Variants in DCC observed in about 807,000 individuals in gnomAD.
DCC encodes the protein netrin receptor DCC.
Under a neutral mutation model 172.5 loss-of-function variants are expected in DCC, and 58 were observed. The ratio of observed to expected loss-of-function variants is 0.34; its 90% CI spans 0.27 to 0.42. The LOEUF (loss-of-function observed/expected upper bound fraction) is 0.42, where lower values mean the gene tolerates loss of function less well. Among genes scored for constraint, DCC ranks in the 10% least tolerant of loss-of-function variants. The probability of loss-of-function intolerance (pLI) is 1.00; values close to 1 mark genes in which losing one functional copy is unlikely to be tolerated. For synonymous variants in DCC, 709 were observed against 644.5 expected (o/e 1.10, Z -1.52); for missense variants, 1,740 against 1,791.0 (o/e 0.97, Z 0.51).
At position 52,510,806 on chromosome 18, in the gene DCC, G is replaced by A. The variant is rs779342646; in HGVS notation, c.91+169928G>A. On this transcript the variant is annotated intron_variant, in intron 1 of 28. Coordinates refer to ENST00000442544, the MANE Select transcript of DCC (RefSeq NM_005215.4). ...AAAGGGTCTTCCCAGAATCTCTGAC[G>A]GTGTCCCACAGAGATAATCACCTAT... Among the ~76,000 whole-genome samples, 9 of 152,018 alleles carry A rather than the reference G, an allele frequency of 5.9e-5. No individual in the cohort carries two copies. The East Asian group carries it at 1.2e-3, about 20-fold the overall frequency.
At chr18:53,379,430 C>T (rs984831495) in intron 15 of DCC, among the ~76,000 whole-genome samples, 3 of 152,206 alleles carry the variant, frequency 2.0e-5, no homozygotes, top group Non-Finnish European at 2.9e-5. Context: ...GATGTTCTCC[C>T]CAGCTTTTGT....
chr18:53,490,006 T>C (rs2045943287), intron 26 of DCC, among the ~76,000 whole-genome samples: 1 of 152,154 alleles, frequency 6.6e-6, no homozygotes, highest in Admixed American at 6.5e-5. Flanking sequence ...TTTCTTGTCT[T>C]TGAAACAAGT....
chr18:52,800,646 A>ACTTTT (rs113242027), intron 2 of DCC, among the ~76,000 whole-genome samples: 6,569 of 152,302 alleles, frequency 0.043, 221 homozygotes, highest in South Asian at 0.16. Flanking sequence ...GATGTTGCAT[A>ACTTTT]CTTATGAATC....
At chr18:52,820,011 C>T (rs62083308) in intron 2 of DCC, among the ~76,000 whole-genome samples, 22,014 of 152,142 alleles carry the variant, frequency 0.14, 1,773 homozygotes, top group Middle Eastern at 0.23. Flanking sequence ...TGAGCCACCA[C>T]GCCCAGCCAA....
chr18:52,942,157 A>G (rs1456663876), intron 5 of DCC, among the ~76,000 whole-genome samples: 1 of 152,174 alleles, frequency 6.6e-6, no homozygotes, highest in Non-Finnish European at 1.5e-5. Context: ...GGTTTGAGAT[A>G]GGTATTTTTT....
At chr18:53,172,597 T>C (rs2055029896) in intron 8 of DCC, among the ~76,000 whole-genome samples, 2 of 152,252 alleles carry the variant, frequency 1.3e-5, no homozygotes, top group African/African-American at 2.4e-5. Context: ...TTATGAAAGC[T>C]GTCCTTCCTT....
intron 1 of DCC, among the ~76,000 whole-genome samples, chr18:52,580,934 T>A (rs1294929378): frequency 6.6e-6 from 1 of 152,172 alleles, no homozygotes; most frequent in Admixed American, 6.6e-5. Flanking sequence ...CAGGGTTTTT[T>A]AAATACTCCA....
At chr18:52,770,310 C>T (rs1420057163) in intron 2 of DCC, among the ~76,000 whole-genome samples, 1 of 152,164 alleles carries the variant, frequency 6.6e-6, no homozygotes, top group Admixed American at 6.5e-5. Flanking sequence ...ATCCTAAACG[C>T]AGCTGCCTTT....
At chr18:53,009,565 CTT>C (rs112501372) in intron 5 of DCC, among the ~76,000 whole-genome samples, 3 of 150,616 alleles carry the variant, frequency 2.0e-5, no homozygotes, top group African/African-American at 7.3e-5. Context: ...AGTTAGGTGA[CTT>C]TTTTTTTAGG....
chr18:53,505,542 G>T (rs2046161480), intron 27 of DCC, among the ~76,000 whole-genome samples: 1 of 152,060 alleles, frequency 6.6e-6, no homozygotes, highest in Non-Finnish European at 1.5e-5. Context: ...TGAAAGGTTT[G>T]CCCAATTACA....
intron 5 of DCC, among the ~76,000 whole-genome samples, chr18:52,983,101 A>G (rs1233441865): frequency 6.6e-6 from 1 of 152,164 alleles, no homozygotes; most frequent in Non-Finnish European, 1.5e-5. Context: ...TGATTCTAAT[A>G]TGGGAAATCA....
At chr18:53,268,612 C>T (rs2056710654) in intron 12 of DCC, among the ~76,000 whole-genome samples, 1 of 151,818 alleles carries the variant, frequency 6.6e-6, no homozygotes, top group Non-Finnish European at 1.5e-5. Context: ...TGTTATTTGG[C>T]CTTGAAAAAA....
intron 12 of DCC, among the ~76,000 whole-genome samples, chr18:53,245,630 T>G (rs575882090): frequency 6.6e-6 from 1 of 152,250 alleles, no homozygotes; most frequent in South Asian, 2.1e-4. Flanking sequence ...GTTTCTCCTT[T>G]CGATGGTATA....
intron 7 of DCC, among the ~76,000 whole-genome samples, chr18:53,130,323 G>GAA (rs1190394553): frequency 2.0e-5 from 3 of 151,988 alleles, no homozygotes; most frequent in Admixed American, 6.6e-5. Context: ...ATTTCCCAGA[G>GAA]AAAAAAACAC....
rs3059148 is a variant in DCC, at chr18:53,403,074, G to GCA, written c.2935+225_2935+226dup. 5.7e-3 allele frequency among the ~76,000 whole-genome samples: 833 copies of GCA among 145,882 alleles called. 4 individuals carry two copies. The highest frequency in any genetic ancestry group is 0.018 in the Middle Eastern group (5 of 284). ...TTGACCATGGAATTCTTCTAATGGTGCACACACACACACACACACACACAC... is the reference window on the plus strand; with the variant it reads ...TTGACCATGGAATTCTTCTAATGGTGCACACACACACACACACACACACACAC... On this transcript the variant is annotated intron_variant, in intron 19 of 28. Transcript: ENST00000442544.
At chr18:52,754,588 T>A (rs1430412204) in intron 2 of DCC, among the ~76,000 whole-genome samples, 1 of 152,210 alleles carries the variant, frequency 6.6e-6, no homozygotes, top group East Asian at 1.9e-4. Context: ...TGATCTCAGA[T>A]TTCCAGCCTC....
chr18:52,564,278 T>G (rs2144745725), intron 1 of DCC, among the ~76,000 whole-genome samples: 1 of 152,242 alleles, frequency 6.6e-6, no homozygotes, highest in Non-Finnish European at 1.5e-5. Flanking sequence ...ATTTGCTTTA[T>G]AGTCATTGTT....
chr18:52,424,044 T>C (rs1987342083), intron 1 of DCC, among the ~76,000 whole-genome samples: 1 of 152,140 alleles, frequency 6.6e-6, no homozygotes, highest in African/African-American at 2.4e-5. Flanking sequence ...GTTCAGTAGA[T>C]TCTTGTTCTG....
At chr18:53,351,301 A>ATATATATATATACACAGTG (rs1568074455) in intron 15 of DCC, among the ~76,000 whole-genome samples, 1 of 29,546 alleles carries the variant, frequency 3.4e-5, no homozygotes, top group African/African-American at 6.3e-5. Context: ...GTATATATAT[A>ATATATATATATACACAGTG]TATATATATA....
Sources: allele counts gnomAD v4.1 joint callset (sites outside exome capture counted in the v4.1 genomes callset), GRCh38; gene constraint gnomAD v4.1.1; transcripts MANE v1.5; gene names NCBI Gene and HGNC (gene_info 2026-07-23, HGNC 2026-07-21).